Variants in NECTIN3 observed in about 807,000 individuals in gnomAD.
NECTIN3 encodes the protein nectin cell adhesion molecule 3, also known as nectin-3.
In NECTIN3, 8 loss-of-function variants were observed where a neutral mutation model predicts 49.4. The ratio of observed to expected loss-of-function variants is 0.16; its 90% CI spans 0.10 to 0.29. The LOEUF (loss-of-function observed/expected upper bound fraction) is 0.29, where lower values mean the gene tolerates loss of function less well. NECTIN3 is among the 10% of genes least tolerant of loss of function. The pLI is 1.00. For synonymous variants in NECTIN3, 277 were observed against 241.1 expected (o/e 1.15, Z -1.38); for missense variants, 581 against 654.6 (o/e 0.89, Z 1.23).
Position 111,074,516 on chromosome 3 carries a change from G to A in NECTIN3, c.160+2339G>A, listed in dbSNP as rs2031038874. On this transcript the variant is annotated intron_variant, in intron 1 of 5. Transcript: ENST00000485303. ...TTTGATATGTTTGATATATAGCGTGGCCTTAACTTTATCGTGTTAATTTAA... is the reference window on the plus strand; with the variant it reads ...TTTGATATGTTTGATATATAGCGTGACCTTAACTTTATCGTGTTAATTTAA... 2.0e-5 allele frequency among the ~76,000 whole-genome samples: 3 copies of A among 151,994 alleles called. No homozygotes were observed. The South Asian group carries it at 6.2e-4, about 32-fold the overall frequency.
Position 111,134,534 on chromosome 3 carries a change from A to T in NECTIN3, c.*319A>T. 1.0e-6 allele frequency: 1 copy of T among 993,514 alleles called. No homozygotes were observed. The highest frequency in any genetic ancestry group is 1.2e-6 in the Non-Finnish European group (1 of 828,018). The allele number at this position is 993,514 out of a possible 1,614,324, so 61.5% of individuals were successfully genotyped here. A position where few individuals can be genotyped will look rare whatever the true frequency, so the allele number is the denominator to read the frequency against. On this transcript the variant is annotated 3_prime_UTR_variant, in exon 6 of 6. Coordinates refer to ENST00000485303, the MANE Select transcript of NECTIN3 (RefSeq NM_015480.3). Reference sequence around the variant, plus strand: ...GACTTACTTGGTACAAAAATTTTTTAAAAAGGGAACTACCTTGACATTGTG... The same window carrying T: ...GACTTACTTGGTACAAAAATTTTTTTAAAAGGGAACTACCTTGACATTGTG...
intron 1 of NECTIN3, chr3:111,072,410 CGCCGTGCGGATGGCCGAGGGTT>C (rs1404119913): frequency 8.9e-5 from 135 of 1,522,012 alleles, no homozygotes; most frequent in Admixed American, 1.0e-4. Flanking sequence ...CCGCGCGGGT[CGCCGTGCGGATGGCCGAGGGTT>C]GGCGATGGTG....
At chr3:111,155,604 A>G (rs1451178570) in intron 7 of NECTIN3, among the ~76,000 whole-genome samples, 1 of 152,244 alleles carries the variant, frequency 6.6e-6, no homozygotes, top group Non-Finnish European at 1.5e-5. Context: ...GAGAATGGAC[A>G]TATTATTTGT....
At chr3:111,087,701 T>C (rs2032016455) in intron 1 of NECTIN3, among the ~76,000 whole-genome samples, 1 of 151,980 alleles carries the variant, frequency 6.6e-6, no homozygotes, top group African/African-American at 2.4e-5. Context: ...AATTTTTTTT[T>C]TTTTAATTTT....
intron 3 of NECTIN3, among the ~76,000 whole-genome samples, chr3:111,121,749 A>T (rs1168935181): frequency 6.6e-6 from 1 of 152,166 alleles, no homozygotes; most frequent in African/African-American, 2.4e-5. Context: ...CTTAAATACC[A>T]TGTCTTATTT....
downstream of NECTIN3, among the ~76,000 whole-genome samples, chr3:111,141,276 G>A (rs1363199008): frequency 1.3e-5 from 2 of 151,820 alleles, no homozygotes; most frequent in East Asian, 1.9e-4. Context: ...TAGTATGGGA[G>A]CAAATCAAAG....
At chr3:111,087,101 G>C (rs988526017) in intron 1 of NECTIN3, among the ~76,000 whole-genome samples, 1 of 152,032 alleles carries the variant, frequency 6.6e-6, no homozygotes, top group Non-Finnish European at 1.5e-5. Flanking sequence ...AAGAGACCTT[G>C]CTTAATTTCA....
chr3:111,119,222 TC>T (rs1342764871), intron 3 of NECTIN3, among the ~76,000 whole-genome samples: 1 of 152,224 alleles, frequency 6.6e-6, no homozygotes, highest in Non-Finnish European at 1.5e-5. Context: ...TGGCAACTTG[TC>T]CCTCAAAATG....
downstream of NECTIN3, among the ~76,000 whole-genome samples, chr3:111,139,912 G>T (rs933806884): frequency 6.6e-6 from 1 of 151,668 alleles, no homozygotes; most frequent in Non-Finnish European, 1.5e-5. Flanking sequence ...ACTAAGACTT[G>T]GGGAAACAAT....
intron 7 of NECTIN3, among the ~76,000 whole-genome samples, chr3:111,165,844 G>T (rs2035308400): frequency 1.3e-5 from 2 of 152,158 alleles, no homozygotes; most frequent in Non-Finnish European, 2.9e-5. Flanking sequence ...GGTCTGAATT[G>T]TAGCCAAATA....
chr3:111,098,425 G>A (rs911186317), intron 1 of NECTIN3, among the ~76,000 whole-genome samples: 3 of 152,150 alleles, frequency 2.0e-5, no homozygotes, highest in Admixed American at 2.0e-4. Flanking sequence ...TGGCTCTAAG[G>A]GAGATTTTGT....
intron 6 of NECTIN3, chr3:111,147,362 C>A: frequency 5.6e-6 from 7 of 1,242,158 alleles, no homozygotes; most frequent in South Asian, 1.5e-5. Context: ...TTTTTTTTTT[C>A]CTAAATGTGA....
At chr3:111,110,790 C>G (rs1451199144) in intron 1 of NECTIN3, among the ~76,000 whole-genome samples, 1 of 152,024 alleles carries the variant, frequency 6.6e-6, no homozygotes, top group Non-Finnish European at 1.5e-5. Flanking sequence ...TGTGAATTGT[C>G]AGTCCCTTAT....
chr3:111,191,248 A>G (rs996632175), upstream of NECTIN3, among the ~76,000 whole-genome samples: 5 of 152,242 alleles, frequency 3.3e-5, no homozygotes, highest in Non-Finnish European at 5.9e-5. Flanking sequence ...GACAACTTGC[A>G]TAACTAAGCC....
intron 7 of NECTIN3, among the ~76,000 whole-genome samples, chr3:111,169,605 C>A (rs2035396716): frequency 6.6e-6 from 1 of 152,032 alleles, no homozygotes; most frequent in African/African-American, 2.4e-5. Context: ...ATGATTATTC[C>A]ATTCACTTCC....
At chr3:111,124,134 A>G (rs2034064190) in intron 4 of NECTIN3, among the ~76,000 whole-genome samples, 1 of 151,738 alleles carries the variant, frequency 6.6e-6, no homozygotes, top group African/African-American at 2.4e-5. Context: ...TTTCATTTAC[A>G]TTTTTTTTAA....
chr3:111,082,117 A>G (rs2031646181), intron 1 of NECTIN3, among the ~76,000 whole-genome samples: 4 of 152,174 alleles, frequency 2.6e-5, no homozygotes, highest in African/African-American at 9.7e-5. Flanking sequence ...GTGTTTGGAT[A>G]TCATTGTGGG....
At chr3:111,087,532 A>T (rs1366492531) in intron 1 of NECTIN3, among the ~76,000 whole-genome samples, 1 of 151,980 alleles carries the variant, frequency 6.6e-6, no homozygotes. Context: ...GCACACCTGT[A>T]ATCCCAGCTG....
intron 7 of NECTIN3, among the ~76,000 whole-genome samples, chr3:111,168,379 T>A (rs1001585398): frequency 2.0e-5 from 3 of 152,166 alleles, no homozygotes; most frequent in African/African-American, 7.2e-5. Flanking sequence ...AAGAATAAGC[T>A]AGATATGTTC....
Sources: gnomAD v4.1 joint callset for allele counts (sites outside exome capture counted in the v4.1 genomes callset) on GRCh38, gnomAD v4.1.1 for gene constraint, MANE v1.5 for transcripts, NCBI Gene and HGNC (gene_info 2026-07-23, HGNC 2026-07-21) for gene names.